Variants in CCDC14 observed in about 807,000 individuals in gnomAD.
CCDC14 encodes the protein coiled-coil domain-containing protein 14.
CCDC14 carries 71 observed loss-of-function variants against 81.4 expected under a neutral mutation model. That is an observed-to-expected ratio of 0.87 (90% CI 0.72 to 1.06). The LOEUF (loss-of-function observed/expected upper bound fraction) is 1.06, where lower values mean the gene tolerates loss of function less well. Among genes scored for constraint, CCDC14 ranks in the 50% least tolerant of loss-of-function variants. The pLI is 0.00. For synonymous variants in CCDC14, 332 were observed against 364.8 expected (o/e 0.91, Z 1.03); for missense variants, 1,046 against 1,047.3 (o/e 1.00, Z 0.02).
intron 9 of CCDC14, among the ~76,000 whole-genome samples, chr3:123,938,561 C>T (rs976592451): frequency 2.0e-5 from 3 of 151,848 alleles, no homozygotes; most frequent in African/African-American, 4.8e-5. Flanking sequence ...AGTTTTACTT[C>T]TTTCCTTTCC....
At chr3:123,899,863 A>T (rs919507486) in intron 5 of CCDC14, among the ~76,000 whole-genome samples, 1 of 152,170 alleles carries the variant, frequency 6.6e-6, no homozygotes, top group African/African-American at 2.4e-5. Flanking sequence ...GGAGCACCTC[A>T]CTATTTTCTG....
At chr3:123,951,826 C>A (rs919901287) in intron 5 of CCDC14, among the ~76,000 whole-genome samples, 1 of 152,182 alleles carries the variant, frequency 6.6e-6, no homozygotes, top group East Asian at 1.9e-4. Context: ...TCTTCAAAAT[C>A]AAAGCCTTAG....
chr3:123,920,077 A>G (rs2034954502), intron 12 of CCDC14, among the ~76,000 whole-genome samples: 1 of 152,202 alleles, frequency 6.6e-6, no homozygotes, highest in Admixed American at 6.5e-5. Flanking sequence ...AAATTTTAAA[A>G]ATCAAATAGA....
chr3:123,894,240 T>C (rs76973699), downstream of CCDC14, among the ~76,000 whole-genome samples: 834 of 152,282 alleles, frequency 5.5e-3, 11 homozygotes, highest in African/African-American at 0.019. Flanking sequence ...ACCCATTGAT[T>C]TCAAACCTCG....
downstream of CCDC14, among the ~76,000 whole-genome samples, chr3:123,911,001 C>T (rs2034431749): frequency 6.6e-6 from 1 of 152,116 alleles, no homozygotes; most frequent in Non-Finnish European, 1.5e-5. Context: ...AGAAGTAGTA[C>T]TGTGGATTTC....
chr3:123,913,318 G>A, downstream of CCDC14: 2 of 918,746 alleles, frequency 2.2e-6, no homozygotes, highest in Non-Finnish European at 2.6e-6. Flanking sequence ...ATATAAGGAT[G>A]GCTGTTCCAT....
chr3:123,955,774 T>A, intron 5 of CCDC14, 69 bp downstream of exon 5: 1 of 1,325,924 alleles, frequency 7.5e-7, no homozygotes, highest in African/African-American at 1.5e-5. Context: ...AACTGTATAA[T>A]CCTGATAATT....
intron 5 of CCDC14, among the ~76,000 whole-genome samples, chr3:123,907,918 G>T (rs1325988419): frequency 1.3e-5 from 2 of 151,676 alleles, no homozygotes; most frequent in Non-Finnish European, 2.9e-5. Flanking sequence ...TCCCCTGCAG[G>T]TGGAGTTGTA....
chr3:123,959,338 G>T (rs531863044), intron 1 of CCDC14, among the ~76,000 whole-genome samples: 2 of 152,164 alleles, frequency 1.3e-5, no homozygotes, highest in Non-Finnish European at 2.9e-5. Context: ...ACAGGGGTTA[G>T]GTGATAGCTC....
At chr3:123,922,913 A>G (rs1286172980) in intron 12 of CCDC14, among the ~76,000 whole-genome samples, 2 of 152,164 alleles carry the variant, frequency 1.3e-5, no homozygotes, top group Non-Finnish European at 2.9e-5. Flanking sequence ...CTTGTTGAAC[A>G]CTTGAAAACA....
At chr3:123,886,948 G>A in the CCDC14 span, among the ~76,000 whole-genome samples, 1 of 151,912 alleles carries the variant, frequency 6.6e-6, no homozygotes, top group Non-Finnish European at 1.5e-5. Flanking sequence ...TTTCTTTCAT[G>A]TAGAGAATTC....
downstream of CCDC14, among the ~76,000 whole-genome samples, chr3:123,909,122 T>C (rs1373234222): frequency 6.6e-6 from 1 of 151,986 alleles, no homozygotes; most frequent in Non-Finnish European, 1.5e-5. Flanking sequence ...AATATTTGAA[T>C]CTGGTCTCTT....
At chr3:123,932,457 A>T (rs951116662) in intron 10 of CCDC14, among the ~76,000 whole-genome samples, 3 of 152,162 alleles carry the variant, frequency 2.0e-5, no homozygotes, top group Non-Finnish European at 4.4e-5. Flanking sequence ...TTGATTTATA[A>T]GACATATTTA....
chr3:123,897,437 G>C (rs1473560866), downstream of CCDC14: 1 of 171,758 alleles, frequency 5.8e-6, no homozygotes, highest in Non-Finnish European at 1.3e-5. Flanking sequence ...ATTATTTCAA[G>C]CTGCAGAACC....
rs187422203 is a variant in CCDC14, at chr3:123,939,951, T to C, written c.1343+4898A>G. ...AGATAGTGGTAATGGCTACAGAACA[T>C]TGTGAATTTATTTATTGCCACTGAA... On this transcript the variant is annotated intron_variant, in intron 9 of 12. Coordinates refer to ENST00000409697, the MANE Select transcript of CCDC14 (RefSeq NM_001366335.1). Among the ~76,000 whole-genome samples the C allele has an allele frequency of 6.4e-4, 98 of 152,010 alleles. 2 individuals are homozygous for C. In the South Asian group the frequency reaches 0.011, roughly 17 times the overall value.
In CCDC14 at chr3:123,933,679, G is replaced by C; in HGVS notation, c.1420C>G (p.Leu474Val). ...QKPSGAVDCN[L>V]ELFSLQSLNM... ...TTAAAGTTCTTTTACCTACATTCAA[G>C]GTTGCAATCCACAGCACCAGATGGT... is the stretch of plus-strand genomic sequence containing the variant. The change falls in exon 10 of 13, where the codon CTT becomes GTT. Residue 474 changes from leucine (L) to valine (V), a missense_variant. Physicochemically the swap from Leu to Val is conservative, Grantham distance 32. Coordinates refer to ENST00000409697, the MANE Select transcript of CCDC14 (RefSeq NM_001366335.1). 6.4e-7 allele frequency: 1 copy of C among 1,568,850 alleles called. No homozygotes were observed. The highest frequency in any genetic ancestry group is 8.7e-7 in the Non-Finnish European group (1 of 1,154,068).
intron 1 of CCDC14, among the ~76,000 whole-genome samples, chr3:123,960,340 A>C (rs2037609999): frequency 6.6e-6 from 1 of 152,206 alleles, no homozygotes; most frequent in African/African-American, 2.4e-5. Context: ...TGGGAACCTA[A>C]ATTTCAGAAA....
In CCDC14 at chr3:123,944,954, T is replaced by C; in HGVS notation, c.1238A>G (p.Glu413Gly). 1 of 1,606,930 alleles carries C rather than the reference T, an allele frequency of 6.2e-7. No individual in the cohort carries two copies. Among genetic ancestry groups the C allele is most frequent in the South Asian group, 1.1e-5 (1 of 89,976 alleles). ...TGTTGGAAGTACAGATATACATGCC[T>C]CCATTTCTGTAATCAACCTCTGAAT... is the stretch of plus-strand genomic sequence containing the variant. ...SEIQRLITEM[E>G]ACISVLPTVS... Residue 413 changes from glutamate (E) to glycine (G), a missense_variant, in exon 9 of 13, where the codon GAG becomes GGG. Physicochemically the swap from Glu to Gly is moderately conservative, Grantham distance 98. Transcript: ENST00000409697.
Position 123,913,863 on chromosome 3 carries a change from A to T in CCDC14, c.*916T>A. On this transcript the variant is annotated 3_prime_UTR_variant, in exon 13 of 13. Transcript: ENST00000409697. ...TAAAACGTGCTGCTTACATGAAGGG[A>T]GATGATACTGAGCTAAGAAGTCCTG... 1.0e-6 allele frequency: 1 copy of T among 985,384 alleles called. No individual in the cohort carries two copies. Among genetic ancestry groups the T allele is most frequent in the Non-Finnish European group, 1.2e-6 (1 of 829,902 alleles). 61.0% of individuals were successfully genotyped at this position (985,384 alleles called of 1,614,324 possible).
Sources: allele counts gnomAD v4.1 joint callset (sites outside exome capture counted in the v4.1 genomes callset), GRCh38; gene constraint gnomAD v4.1.1; transcripts MANE v1.5; gene names NCBI Gene and HGNC (gene_info 2026-07-23, HGNC 2026-07-21).